Variants in AFF3 observed in about 807,000 individuals in gnomAD.
AFF3 encodes the protein AF4/FMR2 family member 3.
In AFF3, 32 loss-of-function variants were observed where a neutral mutation model predicts 129.7. The observed-to-expected ratio is 0.25, with a 90% CI of 0.19 to 0.33. The LOEUF is 0.33. Ranked by LOEUF, AFF3 falls within the 10% of genes least tolerant of loss-of-function variation. The probability of loss-of-function intolerance (pLI) is 1.00; values close to 1 mark genes in which losing one functional copy is unlikely to be tolerated. For synonymous variants in AFF3, 644 were observed against 635.4 expected, an observed-to-expected ratio of 1.01 and a Z score of -0.20; for missense variants, 1,373 against 1,592.0, an observed-to-expected ratio of 0.86 and a Z score of 2.34.
At chr2:100,097,569 C>T (rs1690373324) in intron 4 of AFF3, among the ~76,000 whole-genome samples, 1 of 151,398 alleles carries the variant, frequency 6.6e-6, no homozygotes, top group Non-Finnish European at 1.5e-5. Flanking sequence ...TATCATATCC[C>T]GGGTGGTAGT....
At chr2:99,625,211 G>A (rs1682427552) in intron 13 of AFF3, among the ~76,000 whole-genome samples, 1 of 152,178 alleles carries the variant, frequency 6.6e-6, no homozygotes, top group South Asian at 2.1e-4. Context: ...TACTTTTAGA[G>A]AATACTTTTT....
intron 11 of AFF3, among the ~76,000 whole-genome samples, chr2:99,681,984 C>A (rs1375775677): frequency 6.7e-6 from 1 of 149,890 alleles, no homozygotes; most frequent in East Asian, 2.0e-4. Flanking sequence ...TGGCTCACTG[C>A]AACCTCTGCC....
At chr2:99,891,081 C>G (rs1693514389) in intron 7 of AFF3, among the ~76,000 whole-genome samples, 1 of 152,010 alleles carries the variant, frequency 6.6e-6, no homozygotes, top group South Asian at 2.1e-4. Context: ...GTAGAGGGAG[C>G]CAGGGAGAAA....
intron 11 of AFF3, among the ~76,000 whole-genome samples, chr2:99,715,793 T>A (rs1245853274): frequency 6.6e-6 from 1 of 151,880 alleles, no homozygotes; most frequent in Admixed American, 6.6e-5. Context: ...TGCCTCAGCC[T>A]CCCGAGTAGC....
At chr2:99,741,582 AC>A (rs1349781482) in intron 10 of AFF3, among the ~76,000 whole-genome samples, 1 of 152,200 alleles carries the variant, frequency 6.6e-6, no homozygotes, top group Non-Finnish European at 1.5e-5. Context: ...ATACAAACAA[AC>A]GGAAGAACAT....
intron 8 of AFF3, among the ~76,000 whole-genome samples, chr2:99,796,252 T>C (rs185867426): frequency 1.3e-5 from 2 of 152,314 alleles, no homozygotes; most frequent in Admixed American, 1.3e-4. Context: ...CACTAAACTA[T>C]ATTTAGTATC....
chr2:99,756,480 T>C (rs1457277014), intron 8 of AFF3, among the ~76,000 whole-genome samples: 2 of 152,262 alleles, frequency 1.3e-5, no homozygotes, highest in Non-Finnish European at 2.9e-5. Context: ...CCTGACCCCG[T>C]TGCCTTCCTT....
chr2:99,736,608 A>ATT (rs11399049), intron 10 of AFF3, among the ~76,000 whole-genome samples: 3,586 of 125,626 alleles, frequency 0.029, 174 homozygotes, highest in East Asian at 0.043. Context: ...TAAATTACTG[A>ATT]TTTTTTTTTT....
At chr2:99,633,124 A>C (rs1683281016) in intron 13 of AFF3, among the ~76,000 whole-genome samples, 1 of 152,130 alleles carries the variant, frequency 6.6e-6, no homozygotes, top group Non-Finnish European at 1.5e-5. Flanking sequence ...GCTTGACAAC[A>C]GTGCTGAGAG....
intron 8 of AFF3, among the ~76,000 whole-genome samples, chr2:99,758,997 T>C (rs1429460120): frequency 6.6e-6 from 1 of 152,202 alleles, no homozygotes; most frequent in East Asian, 1.9e-4. Context: ...AACTAGCCTC[T>C]GCTTTTACTT....
rs865820723 is a variant in AFF3 at position 99,662,547 on chromosome 2, C to T, written c.1143+9991G>A. On this transcript the variant is annotated intron_variant, in intron 12 of 24. Transcript: ENST00000672756. ...AATATCTGTGGTTAAGTTATCATAA[C>T]GAATATTACTAATGTCTAATTCATT... 9.9e-5 allele frequency among the ~76,000 whole-genome samples: 15 copies of T among 152,176 alleles called. No homozygotes were observed. The East Asian group carries it at 1.2e-3, about 12-fold the overall frequency.
At chr2:99,862,019 G>T (rs1410460403) in intron 7 of AFF3, among the ~76,000 whole-genome samples, 2 of 152,066 alleles carry the variant, frequency 1.3e-5, no homozygotes, top group African/African-American at 4.8e-5. Context: ...GATTTAGAAA[G>T]ATGTTTTAGT....
chr2:99,654,395 T>A (rs973516286), intron 12 of AFF3, among the ~76,000 whole-genome samples: 10 of 152,186 alleles, frequency 6.6e-5, no homozygotes, highest in South Asian at 6.2e-4. Flanking sequence ...TACTGACTCC[T>A]CTCTTTAAAA....
intron 8 of AFF3, among the ~76,000 whole-genome samples, chr2:99,783,556 T>C (rs1575970301): frequency 6.6e-6 from 1 of 152,236 alleles, no homozygotes; most frequent in South Asian, 2.1e-4. Flanking sequence ...TGCCTCACAC[T>C]GTCCTAAGGA....
At chr2:99,584,833 G>C (rs908757493) in intron 16 of AFF3, among the ~76,000 whole-genome samples, 1 of 152,166 alleles carries the variant, frequency 6.6e-6, no homozygotes, top group Non-Finnish European at 1.5e-5. Context: ...TTAATTGCAC[G>C]TGTTGGTTAT....
At chr2:100,036,986 C>A (rs1332502891) in intron 4 of AFF3, among the ~76,000 whole-genome samples, 1 of 152,114 alleles carries the variant, frequency 6.6e-6, no homozygotes, top group Non-Finnish European at 1.5e-5. Context: ...CTGGTGACAG[C>A]CAAACAGGTA....
At chr2:99,786,078 G>GC (rs1211628281) in intron 8 of AFF3, among the ~76,000 whole-genome samples, 1 of 152,198 alleles carries the variant, frequency 6.6e-6, no homozygotes, top group Non-Finnish European at 1.5e-5. Flanking sequence ...CATAGTCTCT[G>GC]CCTGATGCCC....
At chr2:99,649,495 A>G in intron 13 of AFF3, 131 bp downstream of exon 13, 4 of 1,018,662 alleles carry the variant, frequency 3.9e-6, no homozygotes, top group South Asian at 1.5e-5. Context: ...AAATCCAAGC[A>G]TGCAAAATGT....
chr2:99,670,803 T>G (rs2104440679), intron 12 of AFF3, among the ~76,000 whole-genome samples: 1 of 152,328 alleles, frequency 6.6e-6, no homozygotes, highest in East Asian at 1.9e-4. Context: ...TAAAAATTAT[T>G]CATTCTGTCA....
Sources: gnomAD v4.1 joint callset for allele counts (sites outside exome capture counted in the v4.1 genomes callset) on GRCh38, gnomAD v4.1.1 for gene constraint, MANE v1.5 for transcripts, NCBI Gene and HGNC (gene_info 2026-07-23, HGNC 2026-07-21) for gene names.